The following NRXN3 variants were observed in gnomAD, a reference collection of about 807,000 sequenced individuals.
NRXN3 encodes neurexin III.
A neutral mutation model predicts 137.6 loss-of-function variants in NRXN3; 32 were observed. The ratio of observed to expected loss-of-function variants is 0.23; its 90% CI spans 0.18 to 0.31. NRXN3 has a LOEUF of 0.31. NRXN3 is among the 10% of genes least tolerant of loss of function. The pLI is 1.00. For synonymous variants in NRXN3, 798 were observed against 784.5 expected (o/e 1.02, Z -0.29); for missense variants, 1,574 against 2,062.5 (o/e 0.76, Z 4.59).
At chr14:79,782,594 G>T (rs533652570) in intron 19 of NRXN3, among the ~76,000 whole-genome samples, 1 of 152,190 alleles carries the variant, frequency 6.6e-6, no homozygotes, top group East Asian at 1.9e-4. Context: ...TGCATTAAAC[G>T]AACAACACAA....
chr14:79,126,957 G>A (rs908960656), intron 15 of NRXN3, among the ~76,000 whole-genome samples: 2 of 152,118 alleles, frequency 1.3e-5, no homozygotes, highest in Non-Finnish European at 2.9e-5. Flanking sequence ...GTGTTTTTTG[G>A]CTGCATAAAT....
At chr14:78,314,923 CTTTCTTTCTTT>C (rs1302762389) in intron 4 of NRXN3, among the ~76,000 whole-genome samples, 56 of 117,246 alleles carry the variant, frequency 4.8e-4, no homozygotes, top group African/African-American at 2.1e-3. Flanking sequence ...TTCTTTCTTT[CTTTCTTTCTTT>C]CTTTCTTTCT....
chr14:78,862,952 A>G (rs958469139), intron 10 of NRXN3, among the ~76,000 whole-genome samples: 1 of 152,170 alleles, frequency 6.6e-6, no homozygotes, highest in Non-Finnish European at 1.5e-5. Flanking sequence ...TTATATGATT[A>G]TCTCTGCCAC....
intron 15 of NRXN3, among the ~76,000 whole-genome samples, chr14:79,362,123 C>A (rs1206325600): frequency 6.7e-6 from 1 of 150,054 alleles, no homozygotes; most frequent in Non-Finnish European, 1.5e-5. Flanking sequence ...CCATGCCCAG[C>A]TAATTTTTTA....
intron 4 of NRXN3, among the ~76,000 whole-genome samples, chr14:78,496,233 A>G (rs899241752): frequency 2.6e-5 from 4 of 152,220 alleles, no homozygotes; most frequent in Non-Finnish European, 4.4e-5. Context: ...GCCAGAGGGG[A>G]AACCTAACTC....
intron 16 of NRXN3, among the ~76,000 whole-genome samples, chr14:79,617,449 A>C (rs762189382): frequency 8.5e-5 from 13 of 152,142 alleles, no homozygotes; most frequent in Non-Finnish European, 1.6e-4. Flanking sequence ...AAATTCCACT[A>C]AATTTCAAGA....
At chr14:79,837,299 TA>T (rs11343822) in intron 20 of NRXN3, among the ~76,000 whole-genome samples, 136,762 of 151,016 alleles carry the variant, frequency 0.91, 61,959 homozygotes, top group East Asian at 0.95. Context: ...CATTTTTTTT[TA>T]AAAAAACCGT....
At chr14:78,495,142 T>C (rs988798571) in intron 4 of NRXN3, among the ~76,000 whole-genome samples, 4 of 140,862 alleles carry the variant, frequency 2.8e-5, no homozygotes, top group South Asian at 2.2e-4. Context: ...TGCGTGCGTG[T>C]GTGTGTGTGT....
At chr14:79,183,383 T>C (rs2063158916) in intron 15 of NRXN3, among the ~76,000 whole-genome samples, 1 of 152,170 alleles carries the variant, frequency 6.6e-6, no homozygotes, top group Non-Finnish European at 1.5e-5. Flanking sequence ...GATTTTTATG[T>C]CATGAATGCA....
At chr14:79,378,810 T>G (rs2094382496) in intron 15 of NRXN3, among the ~76,000 whole-genome samples, 1 of 152,010 alleles carries the variant, frequency 6.6e-6, no homozygotes, top group South Asian at 2.1e-4. Context: ...ATTATGGAGC[T>G]TAACTCATTG....
chr14:79,785,635 G>A (rs1207776474), intron 19 of NRXN3, among the ~76,000 whole-genome samples: 1 of 151,940 alleles, frequency 6.6e-6, no homozygotes, highest in Non-Finnish European at 1.5e-5. Flanking sequence ...TTTAAGGACA[G>A]TTAGGCCAAA....
intron 4 of NRXN3, among the ~76,000 whole-genome samples, chr14:78,620,897 C>T (rs980507357): frequency 6.6e-6 from 1 of 152,084 alleles, no homozygotes; most frequent in African/African-American, 2.4e-5. Flanking sequence ...TAAGAGCTTT[C>T]CTCAACTACC....
At chr14:78,873,826 G>A (rs1436576642) in intron 10 of NRXN3, among the ~76,000 whole-genome samples, 1 of 152,022 alleles carries the variant, frequency 6.6e-6, no homozygotes, top group East Asian at 1.9e-4. Context: ...GTTTTAATGA[G>A]GTCCCCAGGG....
intron 15 of NRXN3, among the ~76,000 whole-genome samples, chr14:79,365,716 A>G (rs2093856393): frequency 7.5e-6 from 1 of 132,552 alleles, no homozygotes; most frequent in Non-Finnish European, 1.6e-5. Flanking sequence ...ACAGAGCGAG[A>G]CTCTGTCTCA....
rs987291875 is a variant in NRXN3, at chr14:78,464,031, T to C, written c.757+166171T>C. On this transcript the variant is annotated intron_variant, in intron 4 of 20. Coordinates refer to ENST00000335750, the MANE Select transcript of NRXN3 (RefSeq NM_001330195.2). ...TTTTTTAAACTTGAAAAGGCGAGTT[T>C]TATTTTTATTTATTTAATTAATTAA... Among the ~76,000 whole-genome samples, 3 of 139,096 alleles carry C rather than the reference T, an allele frequency of 2.2e-5. No individual in the cohort carries two copies. In the Admixed American group the frequency reaches 2.4e-4, roughly 11 times the overall value. 91.3% of individuals were successfully genotyped at this position (139,096 alleles called of 152,430 possible).
At chr14:79,508,535 G>A (rs2096902013) in intron 16 of NRXN3, among the ~76,000 whole-genome samples, 1 of 151,426 alleles carries the variant, frequency 6.6e-6, no homozygotes, top group South Asian at 2.1e-4. Context: ...GATTACAGGT[G>A]CCTGCTACCA....
At chr14:78,250,039 G>T (rs1049090232) in intron 2 of NRXN3, 15 of 506,082 alleles carry the variant, frequency 3.0e-5, no homozygotes, top group African/African-American at 2.7e-4. Context: ...TCATGCACTA[G>T]CTCTTGAAAC....
At chr14:79,721,001 A>G (rs959960526) in intron 19 of NRXN3, among the ~76,000 whole-genome samples, 1 of 152,182 alleles carries the variant, frequency 6.6e-6, no homozygotes, top group Non-Finnish European at 1.5e-5. Context: ...TTTGCTCTGC[A>G]TCAGTGGAGG....
chr14:78,296,804 T>G (rs182669339), intron 3 of NRXN3, among the ~76,000 whole-genome samples: 12 of 152,304 alleles, frequency 7.9e-5, no homozygotes, highest in African/African-American at 2.9e-4. Flanking sequence ...CTAAAAACAT[T>G]TAGAGATTTC....
Sources: allele counts gnomAD v4.1 joint callset (sites outside exome capture counted in the v4.1 genomes callset), GRCh38; gene constraint gnomAD v4.1.1; transcripts MANE v1.5; gene names NCBI Gene and HGNC (gene_info 2026-07-23, HGNC 2026-07-21).